CLASP1: variants seen among roughly 807,000 people sequenced by gnomAD.
CLASP1 encodes the protein cytoplasmic linker associated protein 1.
In CLASP1, 38 loss-of-function variants were observed where a neutral mutation model predicts 192.3. The observed-to-expected ratio is 0.20, with a 90% confidence interval of 0.15 to 0.26. The LOEUF (loss-of-function observed/expected upper bound fraction) is 0.26. Ranked by LOEUF, CLASP1 falls within the 10% of genes least tolerant of loss-of-function variation. The pLI is 1.00. For missense variants in CLASP1, 1,433 were observed against 1,932.5 expected (o/e 0.74, Z 4.85); for synonymous variants, 691 against 712.8 (o/e 0.97, Z 0.49).
At chr2:121,420,592 T>C (rs893256315) in intron 22 of CLASP1, among the ~76,000 whole-genome samples, 2 of 152,346 alleles carry the variant, frequency 1.3e-5, no homozygotes, top group Middle Eastern at 3.4e-3. Flanking sequence ...AGAAGGGTAC[T>C]GTGAGATAAT....
chr2:121,395,746 G>C (rs1249024145), intron 30 of CLASP1, among the ~76,000 whole-genome samples: 2 of 152,144 alleles, frequency 1.3e-5, no homozygotes, highest in African/African-American at 4.8e-5. Flanking sequence ...CAGTTTGAAG[G>C]AAGTTGCCCA....
chr2:121,390,485 T>A (rs934714527), intron 30 of CLASP1, among the ~76,000 whole-genome samples: 4 of 152,212 alleles, frequency 2.6e-5, no homozygotes, highest in Non-Finnish European at 4.4e-5. Context: ...CACACCCTCA[T>A]AGAGGAATTT....
exon 40 of CLASP1, chr2:121,337,917 T>C (rs1573438588): frequency 6.8e-6 from 1 of 146,824 alleles, no homozygotes; most frequent in East Asian, 2.0e-4. Flanking sequence ...AAGATATAAA[T>C]ACAGATATGG....
At chr2:121,551,242 C>G (rs1454513558) in intron 2 of CLASP1, among the ~76,000 whole-genome samples, 1 of 152,154 alleles carries the variant, frequency 6.6e-6, no homozygotes, top group Non-Finnish European at 1.5e-5. Context: ...ACAGCCAACA[C>G]CATACTGAAT....
intron 36 of CLASP1, chr2:121,364,798 A>G: frequency 2.6e-6 from 1 of 386,114 alleles, no homozygotes; most frequent in African/African-American, 2.0e-5. Flanking sequence ...ATTCTATGCT[A>G]ATAAAGTTTT....
intron 19 of CLASP1, among the ~76,000 whole-genome samples, 156 bp from the exon 20 acceptor site, chr2:121,430,333 G>A (rs889873036): frequency 7.2e-5 from 11 of 152,270 alleles, no homozygotes; most frequent in African/African-American, 1.9e-4. Flanking sequence ...GGTCTGCCAC[G>A]TCTCCCTGTG....
chr2:121,344,662 C>T lies in CLASP1; in HGVS notation c.4530+2376G>A, dbSNP rs185406395. ...TAACTTCATTTAAGCAAAAGGAGAG[C>T]GTGTTCCCATAGGCCTGTAACACTG... On this transcript the variant is annotated intron_variant, in intron 39 of 39. Coordinates refer to ENST00000263710, the Ensembl canonical transcript of CLASP1. Among the ~76,000 whole-genome samples, 317 of 152,156 alleles carry T rather than the reference C, an allele frequency of 2.1e-3. 1 individual carries two copies. The highest frequency in any genetic ancestry group is 7.3e-3 in the African/African-American group (303 of 41,500).
chr2:121,452,466 C>T (rs571859246), intron 14 of CLASP1, among the ~76,000 whole-genome samples: 1 of 152,278 alleles, frequency 6.6e-6, no homozygotes, highest in African/African-American at 2.4e-5. Flanking sequence ...ATTTAGATTA[C>T]ATCACCACTT....
intron 19 of CLASP1, among the ~76,000 whole-genome samples, chr2:121,438,273 G>GT (rs754379987): frequency 4.7e-4 from 71 of 152,358 alleles, no homozygotes; most frequent in Non-Finnish European, 8.7e-4. Flanking sequence ...CACAGGTGAA[G>GT]TAAATTTAAA....
intron 1 of CLASP1, among the ~76,000 whole-genome samples, chr2:121,645,968 C>G (rs1374563048): frequency 6.6e-6 from 1 of 152,132 alleles, no homozygotes; most frequent in Non-Finnish European, 1.5e-5. Context: ...AACACATATA[C>G]CCGTACTTTG....
chr2:121,368,268 T>C (rs2067835923), intron 34 of CLASP1, among the ~76,000 whole-genome samples: 2 of 152,170 alleles, frequency 1.3e-5, no homozygotes, highest in African/African-American at 2.4e-5. Context: ...ATGGGTGTCA[T>C]CCATCCCCAG....
At chr2:121,589,244 G>GA (rs2062085224) in intron 2 of CLASP1, among the ~76,000 whole-genome samples, 1 of 152,096 alleles carries the variant, frequency 6.6e-6, no homozygotes, top group African/African-American at 2.4e-5. Context: ...TCTTTACAAA[G>GA]GTGTTTTTTG....
At chr2:121,427,190 TACCCATAA>T (rs2080548019) in intron 21 of CLASP1, among the ~76,000 whole-genome samples, 1 of 152,142 alleles carries the variant, frequency 6.6e-6, no homozygotes, top group Admixed American at 6.5e-5. Flanking sequence ...CTATTAATTT[TACCCATAA>T]AATTTGAGCT....
At chr2:121,367,516 G>T (rs1321703992) in intron 35 of CLASP1, 72 bp downstream of exon 36, 3 of 1,592,640 alleles carry the variant, frequency 1.9e-6, no homozygotes, top group Non-Finnish European at 2.6e-6. Flanking sequence ...AGTGGGCCTG[G>T]TGCTGGCCAG....
At chr2:121,366,303 T>C (rs988232439) in intron 35 of CLASP1, among the ~76,000 whole-genome samples, 1 of 152,188 alleles carries the variant, frequency 6.6e-6, no homozygotes, top group Non-Finnish European at 1.5e-5. Flanking sequence ...ACAAACACTA[T>C]ACCCTAATAG....
At chr2:121,352,495 C>G (rs2064661030) in intron 37 of CLASP1, among the ~76,000 whole-genome samples, 1 of 152,158 alleles carries the variant, frequency 6.6e-6, no homozygotes. Context: ...TACGTGTGGC[C>G]TTTCACTTTT....
intron 32 of CLASP1, 31 bp from the exon 34 acceptor site, chr2:121,382,355 G>T: frequency 7.1e-7 from 1 of 1,412,422 alleles, no homozygotes; most frequent in South Asian, 1.4e-5. Flanking sequence ...AAATCAGAGA[G>T]AGAAATACAA....
At chr2:121,501,746 T>C (rs944078897) in intron 8 of CLASP1, among the ~76,000 whole-genome samples, 4 of 152,186 alleles carry the variant, frequency 2.6e-5, no homozygotes, top group African/African-American at 9.7e-5. Flanking sequence ...TGCATGCTAT[T>C]ACCTGCTCTG....
chr2:121,415,066 C>T (rs1290504526), intron 23 of CLASP1, among the ~76,000 whole-genome samples: 8 of 152,146 alleles, frequency 5.3e-5, no homozygotes, highest in South Asian at 2.1e-4. Flanking sequence ...AGGTGTGAGC[C>T]GCTACGCCTG....
Sources: gnomAD v4.1 joint callset for allele counts (sites outside exome capture counted in the v4.1 genomes callset) on GRCh38, gnomAD v4.1.1 for gene constraint, MANE v1.5 for transcripts, NCBI Gene and HGNC (gene_info 2026-07-23, HGNC 2026-07-21) for gene names.